EYS: variants seen among roughly 807,000 people sequenced by gnomAD.
EYS encodes protein eyes shut homolog.
In EYS, 250 loss-of-function variants were observed where a neutral mutation model predicts 282.1. That is an observed-to-expected ratio of 0.89 (90% CI 0.80 to 0.98). The LOEUF (loss-of-function observed/expected upper bound fraction) is 0.98. Ranked by LOEUF, EYS falls within the 50% of genes least tolerant of loss-of-function variation. The pLI, the probability that EYS is intolerant of heterozygous loss-of-function variation, is 0.00. For missense variants in EYS, 4,016 were observed against 3,709.0 expected, an observed-to-expected ratio of 1.08 and a Z score of -2.15; for synonymous variants, 1,355 against 1,282.9, an observed-to-expected ratio of 1.06 and a Z score of -1.20.
In EYS at chr6:64,892,280, G is replaced by A. The variant is rs375838800; in HGVS notation, c.2847-5438C>T. 4.0e-5 allele frequency among the ~76,000 whole-genome samples: 6 copies of A among 151,804 alleles called. No individual in the cohort carries two copies. In the East Asian group the frequency reaches 9.6e-4, roughly 24 times the overall value. On this transcript the variant is annotated intron_variant, in intron 18 of 42. Transcript: ENST00000503581. Reference sequence around the variant, plus strand: ...GATGTATTATTTGTATGCTTCTGAAGTTATTTTAAAATATAATTATTAAAT... The same window carrying A: ...GATGTATTATTTGTATGCTTCTGAAATTATTTTAAAATATAATTATTAAAT...
Position 65,353,626 on chromosome 6 carries a change from AG to A in EYS, c.1300-10del. On this transcript the variant is annotated splice_polypyrimidine_tract_variant and intron_variant, in intron 8 of 42. Coordinates refer to ENST00000503581, the MANE Select transcript of EYS (RefSeq NM_001142800.2). ...CCTGGAATGCATACATACTGCAAAA[AG>A]GAAACAAGGAAAAATGGTAAATTCT... The A allele has an allele frequency of 6.2e-7, 1 of 1,606,622 alleles. No individual in the cohort carries two copies. The highest frequency in any genetic ancestry group is 8.5e-7 in the Non-Finnish European group (1 of 1,173,802).
intron 35 of EYS, among the ~76,000 whole-genome samples, chr6:63,912,863 G>A (rs1228608035): frequency 1.3e-5 from 2 of 149,026 alleles, no homozygotes; most frequent in Middle Eastern, 3.5e-3. Context: ...AGAAGCAGAA[G>A]CCATGATGCT....
At chr6:65,472,276 A>T (rs751288640) in intron 5 of EYS, among the ~76,000 whole-genome samples, 32 of 152,140 alleles carry the variant, frequency 2.1e-4, no homozygotes, top group Non-Finnish European at 8.8e-5. Context: ...TCTGGTAAAC[A>T]TAACCATCAT....
At chr6:64,147,798 T>A (rs1774569362) in intron 31 of EYS, among the ~76,000 whole-genome samples, 1 of 152,210 alleles carries the variant, frequency 6.6e-6, no homozygotes, top group Non-Finnish European at 1.5e-5. Context: ...TGTAGAAGCA[T>A]GTGTTTCTGC....
intron 5 of EYS, among the ~76,000 whole-genome samples, chr6:65,418,280 G>C (rs2351009): frequency 0.24 from 36,118 of 151,866 alleles, 4,776 homozygotes; most frequent in Non-Finnish European, 0.31. Context: ...AAGTAATACA[G>C]AGAAGACCTG....
intron 33 of EYS, among the ~76,000 whole-genome samples, chr6:64,057,724 A>G (rs1771033547): frequency 6.6e-6 from 1 of 151,954 alleles, no homozygotes; most frequent in South Asian, 2.1e-4. Flanking sequence ...TTTGAATTTC[A>G]TAAGCTATTT....
intron 2 of EYS, among the ~76,000 whole-genome samples, chr6:65,512,819 T>C (rs2127291023): frequency 6.6e-6 from 1 of 151,876 alleles, no homozygotes. Context: ...TAGCACCAAA[T>C]GCCCACAAGA....
intron 1 of EYS, among the ~76,000 whole-genome samples, chr6:65,664,522 G>T (rs959910423): frequency 1.3e-5 from 2 of 152,130 alleles, no homozygotes; most frequent in African/African-American, 2.4e-5. Flanking sequence ...ATTGTCTAGA[G>T]GAGTCAGAGG....
At chr6:64,520,556 T>C (rs1216637387) in intron 26 of EYS, among the ~76,000 whole-genome samples, 1 of 151,744 alleles carries the variant, frequency 6.6e-6, no homozygotes, top group Non-Finnish European at 1.5e-5. Context: ...TGTATATAAA[T>C]ATTAATGAAT....
intron 2 of EYS, among the ~76,000 whole-genome samples, chr6:65,553,667 AC>A: frequency 6.6e-6 from 1 of 152,166 alleles, no homozygotes; most frequent in East Asian, 1.9e-4. Flanking sequence ...AACAAAACAA[AC>A]AAAAACATCT....
rs12665663 is a variant in EYS, at chr6:64,596,634, G to T, written c.3685-3325C>A. Among the ~76,000 whole-genome samples the T allele has an allele frequency of 2.6e-5, 4 of 151,982 alleles. No homozygotes were observed. The East Asian group carries it at 5.8e-4, about 22-fold the overall frequency. ...AAGAATGCTATCTTCAATAAATAGC[G>T]CAGGGAAAACTGGATACTCATATGA... On this transcript the variant is annotated intron_variant, in intron 24 of 42. Coordinates refer to ENST00000503581, the MANE Select transcript of EYS (RefSeq NM_001142800.2).
chr6:65,003,947 G>A (rs1771550076), intron 13 of EYS, among the ~76,000 whole-genome samples: 2 of 146,936 alleles, frequency 1.4e-5, no homozygotes, highest in South Asian at 4.4e-4. Context: ...ACCCATTTTA[G>A]GCATGTTCTT....
rs112033737 is a variant in EYS, at chr6:64,316,096, C to T, written c.6079-9014G>A. Among the ~76,000 whole-genome samples, 1,261 of 152,218 alleles carry T rather than the reference C, an allele frequency of 8.3e-3. 14 individuals are homozygous for T. Among genetic ancestry groups the T allele is most frequent in the African/African-American group, 0.029 (1,197 of 41,510 alleles). On this transcript the variant is annotated intron_variant, in intron 29 of 42. Transcript: ENST00000503581. The stretch of plus-strand genomic sequence containing the variant: ...AATAATAAGAGCAATTAATGACAAA[C>T]TTACAGCCAATATCATACTGAATGG...
intron 22 of EYS, among the ~76,000 whole-genome samples, chr6:64,673,828 C>T (rs1245946651): frequency 6.6e-6 from 1 of 151,948 alleles, no homozygotes; most frequent in Non-Finnish European, 1.5e-5. Flanking sequence ...AAACAATCAA[C>T]ATTAGGAAAA....
intron 35 of EYS, among the ~76,000 whole-genome samples, chr6:63,902,682 G>T (rs1334733955): frequency 6.6e-6 from 1 of 152,050 alleles, no homozygotes; most frequent in African/African-American, 2.4e-5. Flanking sequence ...GGTAAATTAA[G>T]ATGCACATTG....
At chr6:65,661,042 T>G (rs917729412) in intron 1 of EYS, among the ~76,000 whole-genome samples, 1 of 151,896 alleles carries the variant, frequency 6.6e-6, no homozygotes, top group African/African-American at 2.4e-5. Context: ...ATTCTCAAAA[T>G]AACTCGGTCT....
intron 12 of EYS, among the ~76,000 whole-genome samples, chr6:65,141,903 C>A (rs1018957588): frequency 3.3e-5 from 5 of 151,606 alleles, no homozygotes; most frequent in Non-Finnish European, 7.4e-5. Flanking sequence ...TTGTTATAAG[C>A]AGATCTACTC....
At chr6:64,816,517 C>T (rs182306198) in intron 21 of EYS, among the ~76,000 whole-genome samples, 1 of 151,990 alleles carries the variant, frequency 6.6e-6, no homozygotes, top group Non-Finnish European at 1.5e-5. Context: ...GGTTTGGGCT[C>T]ACTTTTGCAT....
rs1769934918 is a variant in EYS at position 65,335,071 on chromosome 6, C to T, written c.1675G>A (p.Ala559Thr). The T allele has an allele frequency of 6.2e-7, 1 of 1,611,998 alleles. No homozygotes were observed. The highest frequency in any genetic ancestry group is 8.5e-7 in the Non-Finnish European group (1 of 1,178,814). ...GTATTTTCCAGATACATGTTGCCAG[C>T]CCATCTGAGAAAACATAGATACCGA... ...EYRYLCFLRW[A>T]GNMYLENTTD... The change falls in exon 11 of 43, where the codon GCT (alanine) becomes ACT (threonine). Residue 559 changes from alanine (A) to threonine (T), a missense_variant. Coordinates refer to ENST00000503581, the MANE Select transcript of EYS (RefSeq NM_001142800.2).
Sources: allele counts gnomAD v4.1 joint callset (sites outside exome capture counted in the v4.1 genomes callset), GRCh38; gene constraint gnomAD v4.1.1; transcripts MANE v1.5; gene names NCBI Gene and HGNC (gene_info 2026-07-23, HGNC 2026-07-21).